The following ACTN1 variants were observed in gnomAD, a reference collection of about 807,000 sequenced individuals.
ACTN1 encodes actinin alpha 1.
ACTN1 carries 30 observed loss-of-function variants against 119.6 expected under a neutral mutation model. The ratio of observed to expected loss-of-function variants is 0.25; its 90% CI spans 0.19 to 0.34. The LOEUF (loss-of-function observed/expected upper bound fraction) is 0.34, where lower values mean the gene tolerates loss of function less well. Among genes scored for constraint, ACTN1 ranks in the 10% least tolerant of loss-of-function variants. The pLI is 1.00. For missense variants in ACTN1, 764 were observed against 1,223.4 expected (o/e 0.62, Z 5.60); for synonymous variants, 429 against 472.6 (o/e 0.91, Z 1.20).
chr14:68,893,789 C>T (rs1233503369), intron 8 of ACTN1, 42 bp from the exon 9 acceptor site: 2 of 1,597,238 alleles, frequency 1.3e-6, no homozygotes, highest in African/African-American at 2.7e-5. Context: ...CCAGCCCCAG[C>T]AGCAGGGGCA....
At chr14:68,940,376 C>T (rs2140487568) in intron 1 of ACTN1, among the ~76,000 whole-genome samples, 1 of 152,270 alleles carries the variant, frequency 6.6e-6, no homozygotes, top group East Asian at 1.9e-4. Flanking sequence ...CGGGGTCTGG[C>T]AGACTCTGGC....
At chr14:68,936,710 C>T (rs2035536484) in intron 1 of ACTN1, 5 of 637,522 alleles carry the variant, frequency 7.8e-6, no homozygotes, top group South Asian at 1.4e-5. Flanking sequence ...AGGAAAGGGG[C>T]TTTGACAAAG....
chr14:68,964,873 C>T (rs147895046), intron 1 of ACTN1, among the ~76,000 whole-genome samples: 96 of 152,288 alleles, frequency 6.3e-4, no homozygotes, highest in Non-Finnish European at 1.9e-4. Context: ...CAACTGCAAA[C>T]GCAAGAGCCA....
At chr14:68,903,842 C>G (rs1159338025) in intron 7 of ACTN1, among the ~76,000 whole-genome samples, 2 of 143,438 alleles carry the variant, frequency 1.4e-5, no homozygotes, top group Admixed American at 6.9e-5. Context: ...ATCCGAGACG[C>G]TCTACACAGG....
chr14:68,908,021 T>G (rs564683511), intron 6 of ACTN1, among the ~76,000 whole-genome samples: 1 of 152,220 alleles, frequency 6.6e-6, no homozygotes, highest in East Asian at 1.9e-4. Context: ...TTTTTTTTTT[T>G]TTCCTTGCAA....
chr14:68,878,282 C>A lies in ACTN1; in HGVS notation c.2427+176G>T. On this transcript the variant is annotated intron_variant, in intron 20 of 21. Transcript: ENST00000394419. This position sits in a 1 kb window ranked among gnomAD's most constrained non-coding sequence, Gnocchi z 4.4. ...CAGGCCTCCCGGATACACACACGCC[C>A]GTGGCCGGGCCGGCTTTCAGGGAGC... 1 of 888,680 alleles carries A rather than the reference C, an allele frequency of 1.1e-6. No homozygotes were observed. 55.0% of individuals were successfully genotyped at this position (888,680 alleles called of 1,614,324 possible).
intron 1 of ACTN1, among the ~76,000 whole-genome samples, chr14:68,929,262 C>T (rs1451999449): frequency 6.6e-6 from 1 of 152,182 alleles, no homozygotes; most frequent in African/African-American, 2.4e-5. Flanking sequence ...CAAGCTCCAG[C>T]ATGAGGGGGT....
At chr14:68,913,931 T>C (rs1319769083) in intron 3 of ACTN1, among the ~76,000 whole-genome samples, 1 of 152,098 alleles carries the variant, frequency 6.6e-6, no homozygotes. Context: ...TCATCAAGAA[T>C]CAACTCATAG....
intron 1 of ACTN1, chr14:68,974,403 C>A (rs1482938155): frequency 6.6e-6 from 1 of 152,292 alleles, no homozygotes; most frequent in Non-Finnish European, 1.5e-5. Context: ...AAACCCCCAT[C>A]TCTATAAAAC....
At chr14:68,935,257 C>T (rs1167453244) in intron 1 of ACTN1, among the ~76,000 whole-genome samples, 1 of 151,984 alleles carries the variant, frequency 6.6e-6, no homozygotes, top group Non-Finnish European at 1.5e-5. Context: ...CTCCTGAGCT[C>T]AGGTGATCCA....
chr14:68,929,468 C>T (rs2035109560), intron 1 of ACTN1, among the ~76,000 whole-genome samples: 1 of 151,970 alleles, frequency 6.6e-6, no homozygotes, highest in African/African-American at 2.4e-5. Flanking sequence ...TACTGCTCAG[C>T]CCGATGAAGC....
Position 68,885,334 on chromosome 14 carries a change from C to A in ACTN1, c.1385+91G>T. 145 of 1,173,926 alleles carry A rather than the reference C, an allele frequency of 1.2e-4. No individual in the cohort carries two copies. Among genetic ancestry groups the A allele is most frequent in the East Asian group, 1.8e-4 (6 of 33,292 alleles). 72.7% of individuals were successfully genotyped at this position (1,173,926 alleles called of 1,614,324 possible). The stretch of plus-strand genomic sequence containing the variant: ...ACCCACCTGTACCCACCCTCCCCAT[C>A]TTCCACGGCCACACCCCCACCTCCC... On this transcript the variant is annotated intron_variant, in intron 12 of 21. Transcript: ENST00000394419. The surrounding 1 kb of genome is among the most constrained non-coding windows in gnomAD (Gnocchi z 5.6).
intron 9 of ACTN1, among the ~76,000 whole-genome samples, chr14:68,892,982 G>C (rs2032611517): frequency 6.6e-6 from 1 of 152,146 alleles, no homozygotes; most frequent in Non-Finnish European, 1.5e-5. Context: ...GACAACCGAG[G>C]CCCTACCAGG....
chr14:68,907,202 C>A (rs1471855167), intron 6 of ACTN1, among the ~76,000 whole-genome samples: 1 of 142,944 alleles, frequency 7.0e-6, no homozygotes, highest in African/African-American at 2.7e-5. Flanking sequence ...GCGGAGGTTG[C>A]AGTGAGCCAA....
At chr14:68,950,852 C>T (rs1053474443) in intron 1 of ACTN1, among the ~76,000 whole-genome samples, 2 of 152,134 alleles carry the variant, frequency 1.3e-5, no homozygotes, top group African/African-American at 2.4e-5. Context: ...TGAGCCACCA[C>T]GTCCGGCCCT....
At chr14:68,891,995 G>C in intron 10 of ACTN1, 58 bp downstream of exon 10, 1 of 1,587,522 alleles carries the variant, frequency 6.3e-7, no homozygotes. Context: ...ACAACTAGGA[G>C]CAGCTCAGAG....
In ACTN1 at chr14:68,909,917, C is replaced by T. The variant is rs1477799967; in HGVS notation, c.515+38G>A. ...GTCTGGGAGCTCCCGGGGGAGGCAGCCTGGTTCTGTGAGAGCCCCTCAGAC... is the reference window on the plus strand; with the variant it reads ...GTCTGGGAGCTCCCGGGGGAGGCAGTCTGGTTCTGTGAGAGCCCCTCAGAC... On this transcript the variant is annotated intron_variant, in intron 5 of 21. Transcript: ENST00000394419. The surrounding 1 kb of genome is among the most constrained non-coding windows in gnomAD (Gnocchi z 4.1). 2.5e-6 allele frequency: 4 copies of T among 1,590,358 alleles called. No individual in the cohort carries two copies. The highest frequency in any genetic ancestry group is 2.7e-5 in the African/African-American group (2 of 74,336).
chr14:68,929,644 G>T (rs1418511455), intron 1 of ACTN1, among the ~76,000 whole-genome samples: 1 of 123,878 alleles, frequency 8.1e-6, no homozygotes, highest in East Asian at 2.1e-4. Context: ...CCCAGGAAAA[G>T]TCCTTGGGAC....
intron 1 of ACTN1, among the ~76,000 whole-genome samples, chr14:68,941,102 G>A (rs773376467): frequency 1.3e-5 from 2 of 152,186 alleles, no homozygotes; most frequent in Admixed American, 6.5e-5. Context: ...CCCAGAGGAC[G>A]AATTACTGCA....
Sources: allele counts gnomAD v4.1 joint callset (sites outside exome capture counted in the v4.1 genomes callset), GRCh38; gene constraint gnomAD v4.1.1; non-coding constraint Gnocchi (gnomAD v3.1); transcripts MANE v1.5; gene names NCBI Gene and HGNC (gene_info 2026-07-23, HGNC 2026-07-21).